USP54: variants seen among roughly 807,000 people sequenced by gnomAD.
USP54 encodes ubiquitin carboxyl-terminal hydrolase 54.
A neutral mutation model predicts 170.5 loss-of-function variants in USP54; 87 were observed. That is an observed-to-expected ratio of 0.51 (90% CI 0.43 to 0.61). The LOEUF is 0.61. USP54 is among the 20% of genes least tolerant of loss of function. The pLI is 0.00. For synonymous variants in USP54, 655 were observed against 742.8 expected, an observed-to-expected ratio of 0.88 and a Z score of 1.92; for missense variants, 1,786 against 2,047.8, an observed-to-expected ratio of 0.87 and a Z score of 2.47.
At chr10:73,521,170 T>G (rs766532612) in intron 17 of USP54, 143 bp from the exon 18 acceptor site, 1 of 1,199,888 alleles carries the variant, frequency 8.3e-7, no homozygotes, top group Non-Finnish European at 1.1e-6. Flanking sequence ...TATTAAGAAT[T>G]ATCTGAAAAC....
At chr10:73,509,686 ATCAGAGAT>A (rs2059894725) in intron 20 of USP54, among the ~76,000 whole-genome samples, 1 of 152,084 alleles carries the variant, frequency 6.6e-6, no homozygotes, top group Admixed American at 6.6e-5. Flanking sequence ...ATAATATAAT[ATCAGAGAT>A]TCAGAGATTT....
chr10:73,528,988 A>C (rs573504471), intron 15 of USP54: 2 of 152,336 alleles, frequency 1.3e-5, no homozygotes, highest in African/African-American at 4.8e-5. Flanking sequence ...TATGCAGTAC[A>C]ATTTTATTAA....
At chr10:73,605,109 A>G (rs533264879) in intron 1 of USP54, among the ~76,000 whole-genome samples, 1 of 152,236 alleles carries the variant, frequency 6.6e-6, no homozygotes, top group East Asian at 1.9e-4. Flanking sequence ...CAGAGCACTG[A>G]TTGCTGTGTT....
chr10:73,501,850 T>A (rs772009975), intron 22 of USP54, among the ~76,000 whole-genome samples: 1 of 152,208 alleles, frequency 6.6e-6, no homozygotes. Flanking sequence ...GCTCATACTT[T>A]CATATCACTG....
At chr10:73,619,089 TG>T (rs1391739842) in intron 1 of USP54, among the ~76,000 whole-genome samples, 2 of 150,236 alleles carry the variant, frequency 1.3e-5, no homozygotes, top group African/African-American at 5.0e-5. Flanking sequence ...GGGGCGTGCC[TG>T]TAGTCCCAGC....
intron 20 of USP54, among the ~76,000 whole-genome samples, chr10:73,508,056 G>A (rs1270062698): frequency 6.6e-6 from 1 of 152,166 alleles, no homozygotes; most frequent in African/African-American, 2.4e-5. Context: ...CAAGCCAAAT[G>A]TGACTCCTGG....
intron 4 of USP54, among the ~76,000 whole-genome samples, chr10:73,547,442 A>T (rs1009163492): frequency 1.2e-4 from 19 of 152,228 alleles, no homozygotes; most frequent in African/African-American, 4.6e-4. Flanking sequence ...CTAAGCAAAA[A>T]GAACAAAGCT....
chr10:73,577,008 C>T (rs578151478), intron 1 of USP54, among the ~76,000 whole-genome samples: 2 of 152,292 alleles, frequency 1.3e-5, no homozygotes, highest in Admixed American at 1.3e-4. Flanking sequence ...TATCCAAGGG[C>T]TCACAATCAG....
chr10:73,600,446 G>A (rs1011155880), intron 1 of USP54, among the ~76,000 whole-genome samples: 1 of 152,164 alleles, frequency 6.6e-6, no homozygotes, highest in African/African-American at 2.4e-5. Context: ...TATAATTTTG[G>A]AAGATATTGC....
At chr10:73,589,611 G>A (rs558064031) in intron 1 of USP54, among the ~76,000 whole-genome samples, 3 of 152,056 alleles carry the variant, frequency 2.0e-5, no homozygotes, top group African/African-American at 4.8e-5. Flanking sequence ...AAATATACCC[G>A]TACTCAAATT....
intron 4 of USP54, among the ~76,000 whole-genome samples, chr10:73,554,917 G>A (rs903267696): frequency 7.2e-5 from 11 of 152,174 alleles, no homozygotes; most frequent in Non-Finnish European, 1.5e-4. Flanking sequence ...AGACCAGCCT[G>A]GGCAACAAGG....
chr10:73,604,568 C>CA (rs1221746278), intron 1 of USP54, among the ~76,000 whole-genome samples: 1 of 149,774 alleles, frequency 6.7e-6, no homozygotes, highest in Non-Finnish European at 1.5e-5. Context: ...GGCTGGGCAA[C>CA]ATAGTGAGAC....
In USP54 at chr10:73,519,850, C is replaced by A. The variant is rs1171072542; in HGVS notation, c.2625G>T (p.Ser875=). 8.7e-6 allele frequency: 14 copies of A among 1,614,094 alleles called. No homozygotes were observed. The highest frequency in any genetic ancestry group is 1.2e-5 in the Non-Finnish European group (14 of 1,180,022). ...GTGTTGGGAGGCAGGCTGAGGGCTGCGACGGCTGCTGTGGTGATTGCTGCT... is the reference window on the plus strand; with the variant it reads ...GTGTTGGGAGGCAGGCTGAGGGCTGAGACGGCTGCTGTGGTGATTGCTGCT... ...MQQQQSPQQP[S]QPSACLPTQA... is the part of the protein sequence containing the mutation. Residue 875 remains serine (S), a synonymous_variant, in exon 19 of 24, where the codon TCG becomes TCT. Transcript: ENST00000687698.
chr10:73,550,210 C>T (rs1184815418), intron 4 of USP54, among the ~76,000 whole-genome samples: 1 of 152,150 alleles, frequency 6.6e-6, no homozygotes, highest in Non-Finnish European at 1.5e-5. Flanking sequence ...AGGCGTGGGC[C>T]ACCACGCCCA....
chr10:73,545,291 T>G (rs939001128), intron 5 of USP54, among the ~76,000 whole-genome samples: 1 of 152,150 alleles, frequency 6.6e-6, no homozygotes, highest in African/African-American at 2.4e-5. Flanking sequence ...TTAATGAGCC[T>G]TGGATCCTCT....
chr10:73,593,830 C>A (rs1361842188), upstream of USP54, among the ~76,000 whole-genome samples: 1 of 152,064 alleles, frequency 6.6e-6, no homozygotes, highest in Non-Finnish European at 1.5e-5. Flanking sequence ...TTTCTACTAG[C>A]AAATAGAGTA....
intron 1 of USP54, among the ~76,000 whole-genome samples, chr10:73,581,470 C>T (rs1433266009): frequency 6.6e-6 from 1 of 152,168 alleles, no homozygotes; most frequent in East Asian, 1.9e-4. Context: ...TTTACCAAGC[C>T]ACTGAAACTT....
rs751813113 is a variant in USP54 at position 73,575,688 on chromosome 10, T to C, written c.-17-13A>G. 9.1e-6 allele frequency: 14 copies of C among 1,539,240 alleles called. No individual in the cohort carries two copies. Among genetic ancestry groups the C allele is most frequent in the Non-Finnish European group, 9.7e-6 (11 of 1,139,068 alleles). ...GTTCACATTTAGCCTGAAAAAAAAA[T>C]GGAGAAGGATTTGTGCCTTTTTGGC... On this transcript the variant is annotated splice_polypyrimidine_tract_variant and intron_variant, in intron 2 of 23. Coordinates refer to ENST00000687698, the MANE Select transcript of USP54 (RefSeq NM_001391956.1).
intron 4 of USP54, among the ~76,000 whole-genome samples, chr10:73,559,230 G>A (rs1273692332): frequency 1.3e-5 from 2 of 151,870 alleles, no homozygotes; most frequent in African/African-American, 2.4e-5. Flanking sequence ...AGACCAGCCC[G>A]GCCAACACGG....
Sources: allele counts gnomAD v4.1 joint callset (sites outside exome capture counted in the v4.1 genomes callset), GRCh38; gene constraint gnomAD v4.1.1; transcripts MANE v1.5; gene names NCBI Gene and HGNC (gene_info 2026-07-23, HGNC 2026-07-21).